SLC35F3: variants seen among roughly 807,000 people sequenced by gnomAD.
SLC35F3 encodes the protein putative thiamine transporter SLC35F3.
SLC35F3 carries 25 observed loss-of-function variants against 49.9 expected under a neutral mutation model. That is an observed-to-expected ratio of 0.50 (90% CI 0.37 to 0.70). SLC35F3 has a LOEUF of 0.70. Ranked by LOEUF, SLC35F3 falls within the 30% of genes least tolerant of loss-of-function variation. The pLI, the probability that SLC35F3 is intolerant of heterozygous loss-of-function variation, is 0.00. For missense variants in SLC35F3, 525 were observed against 639.8 expected (o/e 0.82, Z 1.94); for synonymous variants, 275 against 265.4 (o/e 1.04, Z -0.35).
intron 2 of SLC35F3, among the ~76,000 whole-genome samples, chr1:234,177,118 G>T (rs899441535): frequency 2.6e-5 from 4 of 152,130 alleles, no homozygotes; most frequent in African/African-American, 9.7e-5. Flanking sequence ...GAGAGTGAAT[G>T]AGTCTCATGA....
chr1:233,944,304 C>T (rs1219891780), intron 2 of SLC35F3, among the ~76,000 whole-genome samples: 1 of 152,060 alleles, frequency 6.6e-6, no homozygotes, highest in Non-Finnish European at 1.5e-5. Flanking sequence ...TGTTTTAAAG[C>T]CTTCTCAGTT....
intron 3 of SLC35F3, among the ~76,000 whole-genome samples, chr1:234,275,819 A>G (rs556969841): frequency 2.0e-5 from 3 of 151,980 alleles, no homozygotes; most frequent in East Asian, 3.9e-4. Context: ...GCTAGCTAAC[A>G]TTTGTTTAGT....
intron 2 of SLC35F3, among the ~76,000 whole-genome samples, chr1:234,167,348 C>A (rs1199838477): frequency 2.0e-5 from 3 of 152,164 alleles, no homozygotes; most frequent in Admixed American, 2.0e-4. Context: ...ATGCCTAAGG[C>A]CCCACAGCTC....
intron 2 of SLC35F3, among the ~76,000 whole-genome samples, chr1:234,203,999 A>G (rs1339122147): frequency 6.6e-6 from 1 of 152,200 alleles, no homozygotes; most frequent in Non-Finnish European, 1.5e-5. Context: ...TGGGCTGTCA[A>G]ATGCATGCCT....
intron 2 of SLC35F3, among the ~76,000 whole-genome samples, chr1:234,069,157 CAAT>C (rs1348203714): frequency 2.4e-5 from 3 of 125,296 alleles, no homozygotes; most frequent in South Asian, 2.4e-4. Context: ...TATTTATAGA[CAAT>C]AATATATAAT....
At chr1:234,049,881 T>A (rs893414447) in intron 2 of SLC35F3, among the ~76,000 whole-genome samples, 2 of 152,174 alleles carry the variant, frequency 1.3e-5, no homozygotes, top group Non-Finnish European at 2.9e-5. Context: ...AGTAAGAACA[T>A]AAGGTGTTTG....
At chr1:233,959,330 A>T (rs1662756106) in intron 2 of SLC35F3, among the ~76,000 whole-genome samples, 1 of 152,106 alleles carries the variant, frequency 6.6e-6, no homozygotes, top group African/African-American at 2.4e-5. Context: ...AAAATACTTA[A>T]CGACTTTTTG....
intron 2 of SLC35F3, among the ~76,000 whole-genome samples, chr1:234,229,319 G>T (rs1187837023): frequency 1.4e-5 from 2 of 140,630 alleles, no homozygotes; most frequent in Non-Finnish European, 3.0e-5. Context: ...TAGTGAGTTT[G>T]GTTCTAAGTG....
chr1:234,132,488 G>T (rs1380796322), intron 2 of SLC35F3, among the ~76,000 whole-genome samples: 1 of 152,172 alleles, frequency 6.6e-6, no homozygotes, highest in Non-Finnish European at 1.5e-5. Flanking sequence ...TCCTACTAGT[G>T]CATAAGCATG....
intron 3 of SLC35F3, chr1:234,268,684 G>A (rs1470396993): frequency 6.6e-6 from 1 of 152,226 alleles, no homozygotes; most frequent in Admixed American, 6.5e-5. Context: ...GCCCTACCAT[G>A]TCTACCCAAG....
At chr1:234,175,715 A>G (rs1340675429) in intron 2 of SLC35F3, among the ~76,000 whole-genome samples, 1 of 151,788 alleles carries the variant, frequency 6.6e-6, no homozygotes, top group East Asian at 1.9e-4. Context: ...ATGGGTCTGA[A>G]GGACTGTCTA....
At chr1:234,292,516 A>G (rs1558100641) in intron 3 of SLC35F3, among the ~76,000 whole-genome samples, 1 of 152,230 alleles carries the variant, frequency 6.6e-6, no homozygotes, top group Non-Finnish European at 1.5e-5. Flanking sequence ...TGGCTCCAGA[A>G]CTGTTACCAA....
intron 3 of SLC35F3, among the ~76,000 whole-genome samples, chr1:234,287,321 CAT>C (rs111277239): frequency 0.061 from 9,245 of 152,274 alleles, 294 homozygotes; most frequent in South Asian, 0.084. Flanking sequence ...GCCTTATACC[CAT>C]ATGAGACATA....
At chr1:234,196,970 C>T (rs1005426522) in intron 2 of SLC35F3, among the ~76,000 whole-genome samples, 6 of 152,128 alleles carry the variant, frequency 3.9e-5, no homozygotes, top group African/African-American at 1.4e-4. Context: ...CAAAGATAAA[C>T]ATAGCTGGAC....
intron 2 of SLC35F3, among the ~76,000 whole-genome samples, chr1:233,922,246 A>G (rs1400706374): frequency 6.6e-6 from 1 of 152,190 alleles, no homozygotes; most frequent in Non-Finnish European, 1.5e-5. Flanking sequence ...GAACTAGTTT[A>G]CAGTCCCACC....
intron 7 of SLC35F3, among the ~76,000 whole-genome samples, chr1:234,321,046 C>CA (rs199711271): frequency 0.084 from 11,751 of 139,372 alleles, 534 homozygotes; most frequent in African/African-American, 0.13. Context: ...TGCCCCCCCC[C>CA]CACCCCAAAG....
chr1:233,942,381 A>G (rs182534525), intron 2 of SLC35F3, among the ~76,000 whole-genome samples: 8 of 152,094 alleles, frequency 5.3e-5, no homozygotes, highest in African/African-American at 1.9e-4. Flanking sequence ...GACCTGTGAT[A>G]TGAGCACTTA....
chr1:234,117,964 GTATA>G (rs1212715599), intron 2 of SLC35F3, among the ~76,000 whole-genome samples: 6 of 129,924 alleles, frequency 4.6e-5, no homozygotes, highest in Non-Finnish European at 8.0e-5. Flanking sequence ...GTGTGTGTGT[GTATA>G]TATATATAAA....
At chr1:234,177,723 T>C (rs1666497250) in intron 2 of SLC35F3, among the ~76,000 whole-genome samples, 1 of 152,196 alleles carries the variant, frequency 6.6e-6, no homozygotes, top group South Asian at 2.1e-4. Context: ...GCAAATCAGG[T>C]GAGTTGCTGA....
Sources: allele counts gnomAD v4.1 joint callset (sites outside exome capture counted in the v4.1 genomes callset), GRCh38; gene constraint gnomAD v4.1.1; transcripts MANE v1.5; gene names NCBI Gene and HGNC (gene_info 2026-07-23, HGNC 2026-07-21).